PRAMEF2: variants seen among roughly 807,000 people sequenced by gnomAD.
PRAMEF2 encodes PRAME family member 2.
Under a neutral mutation model 38.0 loss-of-function variants are expected in PRAMEF2, and 35 were observed. The observed-to-expected ratio is 0.92, with a 90% CI of 0.70 to 1.22. The LOEUF (loss-of-function observed/expected upper bound fraction) is 1.22. PRAMEF2 is among the 50% of genes most tolerant of loss of function. The probability of loss-of-function intolerance (pLI) is 0.00; values close to 1 mark genes in which losing one functional copy is unlikely to be tolerated. For synonymous variants in PRAMEF2, 240 were observed against 232.4 expected (o/e 1.03, Z -0.30); for missense variants, 562 against 553.9 (o/e 1.01, Z -0.15).
At position 12,860,072 on chromosome 1, in the gene PRAMEF2, A is replaced by G; in HGVS notation, c.667A>G (p.Lys223Glu). 1 of 1,606,754 alleles carries G rather than the reference A, an allele frequency of 6.2e-7. No homozygotes were observed. The highest frequency in any genetic ancestry group is 8.5e-7 in the Non-Finnish European group (1 of 1,176,500). The part of the protein sequence containing the change: ...HNTCWPHLIR[K>E]LYCYLKEMKT... ...CACGTGCTGGCCACATCTGATAAGA[A>G]AGCTTTATTGTTACCTGAAGGAGAT... Residue 223 changes from lysine to glutamate, a missense_variant, in exon 3 of 4, where the codon AAG becomes GAG. Transcript: ENST00000240189.
rs2743660 is a variant in PRAMEF2 at position 12,861,795 on chromosome 1, T to C, written c.*16T>C. On this transcript the variant is annotated 3_prime_UTR_variant, in exon 4 of 4. Transcript: ENST00000240189. ...TTGCTGCTAGGGAAGGCGTGCCCAG[T>C]GGGGTAGAGAAATCCAAAGTTCTCT... 3.9e-5 allele frequency: 61 copies of C among 1,582,632 alleles called. 1 individual carries two copies. In the African/African-American group the frequency reaches 7.2e-4, roughly 19 times the overall value.
At chr1:12,860,804 AGT>A (rs1177536488) in intron 3 of PRAMEF2, among the ~76,000 whole-genome samples, 1 of 149,868 alleles carries the variant, frequency 6.7e-6, no homozygotes, top group Non-Finnish European at 1.5e-5. Flanking sequence ...TAGGCGTGAG[AGT>A]GGTAAAAAGT....
rs756363119 is a variant in PRAMEF2, at chr1:12,861,666, A to G, written c.1312A>G (p.Met438Val). ...EIFTPLRAEL[M>V]CTLREFRQPK... ...CTTCACCCCACTTCGGGCTGAGCTG[A>G]TGTGTACACTGAGGGAATTCAGGCA... The change falls in exon 4 of 4, where the codon ATG becomes GTG. Residue 438 changes from methionine to valine, a missense_variant. Physicochemically the swap from Met to Val is conservative, Grantham distance 21. Around this residue, in one of 2 missense-constraint regions of PRAMEF2, gnomAD observed 76 missense variants for 109.6 expected, o/e 0.69. Transcript: ENST00000240189. The G allele has an allele frequency of 6.3e-7, 1 of 1,583,320 alleles. No individual in the cohort carries two copies. Among genetic ancestry groups the G allele is most frequent in the Non-Finnish European group, 8.6e-7 (1 of 1,161,576 alleles).
At chr1:12,859,426 G>T (rs1233291415) in intron 2 of PRAMEF2, 130 bp downstream of exon 2, 2 of 1,526,604 alleles carry the variant, frequency 1.3e-6, no homozygotes, top group Non-Finnish European at 1.8e-6. Flanking sequence ...GCTCAGGGAG[G>T]CTTTGGCCAT....
Position 12,859,749 on chromosome 1 carries a change from G to T in PRAMEF2, c.344G>T (p.Arg115Ile), listed in dbSNP as rs201548695. 2.8e-3 allele frequency: 4,410 copies of T among 1,570,892 alleles called. 389 individuals are homozygous for T. Among genetic ancestry groups the T allele is most frequent in the South Asian group, 8.4e-3 (725 of 86,306 alleles). Residue 115 changes from arginine to isoleucine, a missense_variant, in exon 3 of 4, where the codon AGA becomes ATA. By Grantham distance (97) the Arg-to-Ile change is moderately conservative (BLOSUM62 -3). This residue lies in a region of PRAMEF2 where 486 missense variants were observed against 444.2 expected (regional missense o/e 1.09). Transcript: ENST00000240189. ...GATGTTGATGAGAATTTCTGGGCCAGATGGCCTGGAGCCTGGGCCCTGTCC... is the reference window on the plus strand; with the variant it reads ...GATGTTGATGAGAATTTCTGGGCCATATGGCCTGGAGCCTGGGCCCTGTCC... The part of the protein sequence containing the change: ...LRDVDENFWA[R>I]WPGAWALSCF...
In PRAMEF2 at chr1:12,859,859, G is replaced by T. The variant is rs754386324; in HGVS notation, c.454G>T (p.Asp152Tyr). ...GCACCAGCCCTTAAAGGTGTTCATA[G>T]ACATCTGCCTCAAGGAAATACCCCA... Reference protein sequence around the residue: ...GEHQPLKVFIDICLKEIPQDE... With the variant: ...GEHQPLKVFIYICLKEIPQDE... The change falls in exon 3 of 4, where the codon GAC becomes TAC. Residue 152 changes from aspartate to tyrosine, a missense_variant. Physicochemically the swap from Asp to Tyr is radical, Grantham distance 160. Coordinates refer to ENST00000240189, the MANE Select transcript of PRAMEF2 (RefSeq NM_023014.1). 3.7e-6 allele frequency: 6 copies of T among 1,607,598 alleles called. No homozygotes were observed. The East Asian group carries it at 1.1e-4, about 30-fold the overall frequency.
chr1:12,860,340 A>G (rs1640527351), intron 3 of PRAMEF2, 69 bp downstream of exon 3: 2 of 1,592,034 alleles, frequency 1.3e-6, no homozygotes, highest in Admixed American at 1.8e-5. Flanking sequence ...CAAACATTAG[A>G]AGGCGTGTAC....
At position 12,860,418 on chromosome 1, in the gene PRAMEF2, G is replaced by C; in HGVS notation, c.866+147G>C. Reference sequence around the variant, plus strand: ...GAATGTCAACACATTGTCCCATTCAGTGTTCCATGTCCTGGAGTGGCTATC... The same window carrying C: ...GAATGTCAACACATTGTCCCATTCACTGTTCCATGTCCTGGAGTGGCTATC... On this transcript the variant is annotated intron_variant, in intron 3 of 3. Transcript: ENST00000240189. 4 of 1,493,772 alleles carry C rather than the reference G, an allele frequency of 2.7e-6. 1 individual carries two copies. The highest frequency in any genetic ancestry group is 1.8e-6 in the Non-Finnish European group (2 of 1,109,136). 92.5% of individuals were successfully genotyped at this position (1,493,772 alleles called of 1,614,324 possible). A position where few individuals can be genotyped will look rare whatever the true frequency, so the allele number is the denominator to read the frequency against.
In PRAMEF2 at chr1:12,861,282, T is replaced by C; in HGVS notation, c.928T>C (p.Leu310=). ...TTGTGGCAACCTATTAGAAGAGGAC[T>C]TGAAGTGTCTCTCCCAGTTCCCAAG... is the stretch of plus-strand genomic sequence containing the variant. ...LTCGNLLEED[L]KCLSQFPSLG... is the part of the protein sequence containing the mutation. Residue 310 remains leucine, a synonymous_variant, in exon 4 of 4, where the codon TTG becomes CTG. Coordinates refer to ENST00000240189, the MANE Select transcript of PRAMEF2 (RefSeq NM_023014.1). 6.2e-7 allele frequency: 1 copy of C among 1,607,098 alleles called. No individual in the cohort carries two copies.
chr1:12,858,585 T>C (rs772865815), intron 1 of PRAMEF2, among the ~76,000 whole-genome samples: 6 of 149,942 alleles, frequency 4.0e-5, no homozygotes, highest in Non-Finnish European at 5.9e-5. Flanking sequence ...AGCATGTTCA[T>C]GGTGTGAACT....
Position 12,859,242 on chromosome 1 carries a change from T to C in PRAMEF2, c.233T>C (p.Leu78Ser), listed in dbSNP as rs776365038. The part of the protein sequence containing the change: ...SLMKTLHLEP[L>S]KALLEGLHML... ...ATGAAGACGCTTCATCTGGAGCCATTGAAAGCATTGCTGGAAGGGCTTCAT... is the reference window on the plus strand; with the variant it reads ...ATGAAGACGCTTCATCTGGAGCCATCGAAAGCATTGCTGGAAGGGCTTCAT... Residue 78 changes from leucine (L) to serine (S), a missense_variant, in exon 2 of 4, where the codon TTG becomes TCG. By Grantham distance (145) the Leu-to-Ser change is moderately radical. Coordinates refer to ENST00000240189, the MANE Select transcript of PRAMEF2 (RefSeq NM_023014.1). The C allele has an allele frequency of 1.9e-6, 3 of 1,610,428 alleles. No homozygotes were observed. Among genetic ancestry groups the C allele is most frequent in the Admixed American group, 1.7e-5 (1 of 58,442 alleles).
Position 12,859,173 on chromosome 1 carries a change from T to A in PRAMEF2, c.164T>A (p.Met55Lys), listed in dbSNP as rs756359217. The A allele has an allele frequency of 6.2e-7, 1 of 1,608,484 alleles. No individual in the cohort carries two copies. ...AGACACTTCCAGACTCTGACGGTGA[T>A]GGTGCAGGCCTGGCCTTTCACCTGC... ...SRRHFQTLTV[M>K]VQAWPFTCLP... The change falls in exon 2 of 4, where the codon ATG becomes AAG. Residue 55 changes from methionine (M) to lysine (K), a missense_variant. Coordinates refer to ENST00000240189, the MANE Select transcript of PRAMEF2 (RefSeq NM_023014.1).
chr1:12,858,126 A>G (rs1021567353), intron 1 of PRAMEF2, among the ~76,000 whole-genome samples: 4 of 149,990 alleles, frequency 2.7e-5, no homozygotes, highest in Non-Finnish European at 5.9e-5. Flanking sequence ...ACTGGAGTGC[A>G]GGGCCCTGAG....
chr1:12,857,888 A>G (rs61239042), intron 1 of PRAMEF2, among the ~76,000 whole-genome samples: 10,288 of 144,878 alleles, frequency 0.071, 507 homozygotes, highest in African/African-American at 0.11. Flanking sequence ...TAGTAGACAC[A>G]GGGTTTTGCC....
intron 2 of PRAMEF2, 86 bp downstream of exon 2, chr1:12,859,382 C>A: frequency 6.9e-6 from 11 of 1,586,020 alleles, no homozygotes; most frequent in Non-Finnish European, 9.5e-6. Flanking sequence ...AACCCAAGTG[C>A]GGCCCAGAGT....
chr1:12,860,811 A>G (rs2100392391), intron 3 of PRAMEF2, among the ~76,000 whole-genome samples: 1 of 150,094 alleles, frequency 6.7e-6, no homozygotes, highest in Non-Finnish European at 1.5e-5. Context: ...GAGAGTGGTA[A>G]AAAGTGACAG....
chr1:12,861,179 A>T (rs1338314898), intron 3 of PRAMEF2, 42 bp from the exon 4 acceptor site: 4 of 1,580,956 alleles, frequency 2.5e-6, no homozygotes, highest in Non-Finnish European at 3.5e-6. Flanking sequence ...ACCTTCATCT[A>T]ACTGGTACCA....
intron 3 of PRAMEF2, among the ~76,000 whole-genome samples, chr1:12,860,824 G>C (rs1640535024): frequency 6.7e-6 from 1 of 150,082 alleles, no homozygotes; most frequent in Non-Finnish European, 1.5e-5. Flanking sequence ...AGTGACAGTT[G>C]GTTTGCAGAT....
In PRAMEF2 at chr1:12,861,900, AT is replaced by A; in HGVS notation, c.*123del. 1 of 1,370,740 alleles carries A rather than the reference AT, an allele frequency of 7.3e-7. No individual in the cohort carries two copies. Among genetic ancestry groups the A allele is most frequent in the Non-Finnish European group, 9.7e-7 (1 of 1,032,336 alleles). 84.9% of individuals were successfully genotyped at this position (1,370,740 alleles called of 1,614,324 possible). Reference sequence around the variant, plus strand: ...TTCTTATTTATTTCATTTTTTAATAATTCCAAAATTTTTATTAAAGACAATT... The same window carrying A: ...TTCTTATTTATTTCATTTTTTAATAATCCAAAATTTTTATTAAAGACAATT... On this transcript the variant is annotated 3_prime_UTR_variant, in exon 4 of 4. Transcript: ENST00000240189.
Sources: gnomAD v4.1 joint callset for allele counts (sites outside exome capture counted in the v4.1 genomes callset) on GRCh38, gnomAD v4.1.1 for gene constraint, gnomAD v4.1.1 regional missense constraint, MANE v1.5 for transcripts, NCBI Gene and HGNC (gene_info 2026-07-23, HGNC 2026-07-21) for gene names.